COL5A1: variants seen among roughly 807,000 people sequenced by gnomAD.
The protein encoded by COL5A1 is collagen alpha-1(V) chain.
Under a neutral mutation model 263.7 loss-of-function variants are expected in COL5A1, and 16 were observed. That is an observed-to-expected ratio of 0.06 (90% CI 0.04 to 0.09). The LOEUF is 0.09. Among genes scored for constraint, COL5A1 ranks in the 10% least tolerant of loss-of-function variants. The pLI, the probability that COL5A1 is intolerant of heterozygous loss-of-function variation, is 1.00. For missense variants in COL5A1, 2,036 were observed against 2,540.5 expected (o/e 0.80, Z 4.27); for synonymous variants, 1,012 against 1,004.5 (o/e 1.01, Z -0.14).
intron 64 of COL5A1, 146 bp downstream of exon 64, chr9:134,830,190 T>G: frequency 1.2e-6 from 2 of 1,603,766 alleles, no homozygotes; most frequent in Non-Finnish European, 1.7e-6. Flanking sequence ...AGTGGCCACC[T>G]CGGCCCGGCC....
chr9:134,760,225 CAT>C, intron 18 of COL5A1, among the ~76,000 whole-genome samples: 1 of 132,890 alleles, frequency 7.5e-6, no homozygotes, highest in South Asian at 2.6e-4. Flanking sequence ...GCACACACCA[CAT>C]GCACACACAC....
rs1554805618 is a variant in COL5A1 at position 134,814,801 on chromosome 9, C to T, written c.3911C>T (p.Pro1304Leu). The T allele has an allele frequency of 6.4e-7, 1 of 1,551,538 alleles. No homozygotes were observed. The change falls in exon 50 of 66, where the codon CCC (proline) becomes CTC (leucine). Residue 1304 changes from proline (P) to leucine (L), a missense_variant. This residue lies in a region of COL5A1 where 1,078 missense variants were observed against 1,521.4 expected (regional missense o/e 0.71). Coordinates refer to ENST00000371817, the MANE Select transcript of COL5A1 (RefSeq NM_000093.5). Reference protein sequence around the residue: ...GLPGEGGPPGPKGERGEKGES... With the variant: ...GLPGEGGPPGLKGERGEKGES... ...ACACTGGCCTCTTTCCTCCAGGGAC[C>T]CAAAGGAGAAAGGGGAGAGAAGGGC...
rs72774465 is a variant in COL5A1, at chr9:134,797,017, G to A, written c.2898+116G>A. The A allele has an allele frequency of 0.44, 506,878 of 1,148,668 alleles. 113,087 individuals are homozygous for A. The highest frequency in any genetic ancestry group is 0.49 in the East Asian group (20,946 of 42,652). 71.2% of individuals were successfully genotyped at this position (1,148,668 alleles called of 1,614,324 possible). On this transcript the variant is annotated intron_variant, in intron 36 of 65. Transcript: ENST00000371817. ...CTGCTCGGAGCTCCTCACAGTGGCC[G>A]GTGGGTGGAGGGAGGCCCGAGGTGA...
Position 134,832,415 on chromosome 9 carries a change from A to G in COL5A1, c.5136+2371A>G, listed in dbSNP as rs1839674774. On this transcript the variant is annotated intron_variant, in intron 64 of 65. Transcript: ENST00000371817. ...GGTGAGACTCCGTCTCCAAAAAAAA[A>G]GAAAGAAAAAACCAGAAATGGGAAT... Among the ~76,000 whole-genome samples, 2 of 152,268 alleles carry G rather than the reference A, an allele frequency of 1.3e-5. 1 individual carries two copies.
At chr9:134,687,470 C>T (rs550377035) in intron 1 of COL5A1, among the ~76,000 whole-genome samples, 4 of 151,678 alleles carry the variant, frequency 2.6e-5, no homozygotes, top group Admixed American at 1.3e-4. Flanking sequence ...ATCCATCCAT[C>T]CATTCATCCA....
chr9:134,774,191 C>T (rs578026413), intron 26 of COL5A1, among the ~76,000 whole-genome samples: 5 of 152,246 alleles, frequency 3.3e-5, no homozygotes, highest in Non-Finnish European at 7.3e-5. Context: ...CGATGGGATA[C>T]AGCAGGGAGC....
At chr9:134,768,510 A>C in intron 25 of COL5A1, 47 bp downstream of exon 25, 1 of 1,580,336 alleles carries the variant, frequency 6.3e-7, no homozygotes, top group Non-Finnish European at 8.7e-7. Flanking sequence ...CCCCACCTCC[A>C]CCCTGCGGAT....
At chr9:134,809,597 C>T (rs182479836) in intron 43 of COL5A1, among the ~76,000 whole-genome samples, 57 of 152,236 alleles carry the variant, frequency 3.7e-4, no homozygotes, top group African/African-American at 7.0e-4. Context: ...CCGGTCCCCC[C>T]GAATAATTTC....
chr9:134,673,493 T>C (rs1026182220), intron 1 of COL5A1, among the ~76,000 whole-genome samples: 1 of 149,096 alleles, frequency 6.7e-6, no homozygotes, highest in Non-Finnish European at 1.5e-5. Flanking sequence ...GATACAATGG[T>C]GCTGAAACAA....
rs748682636 is a variant in COL5A1, at chr9:134,821,665, G to A, written c.4555-432G>A. 6.6e-6 allele frequency among the ~76,000 whole-genome samples: 1 copy of A among 152,176 alleles called. No homozygotes were observed. Among genetic ancestry groups the A allele is most frequent in the East Asian group, 1.9e-4 (1 of 5,178 alleles). On this transcript the variant is annotated intron_variant, in intron 58 of 65. Coordinates refer to ENST00000371817, the MANE Select transcript of COL5A1 (RefSeq NM_000093.5). This position sits in a 1 kb window ranked among gnomAD's most constrained non-coding sequence, Gnocchi z 4.2. ...CAGGACAGGACAGTCAGCATGGATG[G>A]GACTCCCTGCCCAACCCCTCCGGGC...
intron 1 of COL5A1, among the ~76,000 whole-genome samples, chr9:134,683,088 C>G (rs1193146690): frequency 1.3e-5 from 2 of 152,214 alleles, no homozygotes; most frequent in Admixed American, 1.3e-4. Context: ...TGCTCTTGCT[C>G]TGTGAGGGCC....
At chr9:134,792,229 G>A (rs1176566206) in intron 32 of COL5A1, among the ~76,000 whole-genome samples, 4 of 152,330 alleles carry the variant, frequency 2.6e-5, no homozygotes, top group South Asian at 2.1e-4. Flanking sequence ...TGGGACCTAC[G>A]GAAGGTTTTA....
intron 18 of COL5A1, among the ~76,000 whole-genome samples, chr9:134,759,240 T>C (rs1431198791): frequency 7.9e-6 from 1 of 127,332 alleles, no homozygotes; most frequent in Non-Finnish European, 1.6e-5. Flanking sequence ...ATACACCACA[T>C]ACACCACACA....
rs774285940 is a variant in COL5A1 at position 134,763,654 on chromosome 9, A to G, written c.1990-39A>G. On this transcript the variant is annotated intron_variant, in intron 19 of 65. Transcript: ENST00000371817. ...AGGGGAAGCTGGTGTCCAGGCTAAC[A>G]GCTCATTTCTCTAACCTTGCCTTTT... The G allele has an allele frequency of 1.2e-5, 19 of 1,607,840 alleles. No individual in the cohort carries two copies. In the Admixed American group the frequency reaches 3.2e-4, roughly 27 times the overall value.
rs1226303130 is a variant in COL5A1, at chr9:134,705,109, A to C, written c.654+3776A>C. Among the ~76,000 whole-genome samples, 7 of 152,354 alleles carry C rather than the reference A, an allele frequency of 4.6e-5. No individual in the cohort carries two copies. In the East Asian group the frequency reaches 1.2e-3, roughly 25 times the overall value. On this transcript the variant is annotated intron_variant, in intron 4 of 65. Transcript: ENST00000371817. ...TCTGTGTTTAGAGTTATACTGAACA[A>C]GGATTCACCAAACTCTAAGAGAGTT...
At chr9:134,734,736 C>T (rs749483517) in intron 9 of COL5A1, among the ~76,000 whole-genome samples, 1 of 152,200 alleles carries the variant, frequency 6.6e-6, no homozygotes, top group African/African-American at 2.4e-5. Context: ...AGGCAGGAAG[C>T]CCCCAGACTC....
chr9:134,790,023 C>T (rs902309499), intron 32 of COL5A1, among the ~76,000 whole-genome samples: 1 of 152,164 alleles, frequency 6.6e-6, no homozygotes, highest in Non-Finnish European at 1.5e-5. Flanking sequence ...CGAAAGATGG[C>T]AGAGCTCACA....
intron 36 of COL5A1, among the ~76,000 whole-genome samples, chr9:134,797,338 C>T (rs967739103): frequency 6.6e-6 from 1 of 152,192 alleles, no homozygotes; most frequent in African/African-American, 2.4e-5. Context: ...TCTGGAAGCT[C>T]TAGGGGAGAT....
Position 134,703,730 on chromosome 9 carries a change from C to T in COL5A1, c.654+2397C>T, listed in dbSNP as rs552786458. Reference sequence around the variant, plus strand: ...TCGGCTCACTGCAAGCTCTGCCTCCCGGGTTCACGCCATTCTCCTGCCTCA... The same window carrying T: ...TCGGCTCACTGCAAGCTCTGCCTCCTGGGTTCACGCCATTCTCCTGCCTCA... On this transcript the variant is annotated intron_variant, in intron 4 of 65. Transcript: ENST00000371817. 1.1e-4 allele frequency among the ~76,000 whole-genome samples: 16 copies of T among 143,832 alleles called. No homozygotes were observed. In the East Asian group the frequency reaches 2.4e-3, roughly 21 times the overall value. 94.4% of individuals were successfully genotyped at this position (143,832 alleles called of 152,430 possible). A position where few individuals can be genotyped will look rare whatever the true frequency, so the allele number is the denominator to read the frequency against.
Sources: gnomAD v4.1 joint callset for allele counts (sites outside exome capture counted in the v4.1 genomes callset) on GRCh38, gnomAD v4.1.1 for gene constraint, gnomAD v4.1.1 regional missense constraint, Gnocchi (gnomAD v3.1) non-coding constraint, MANE v1.5 for transcripts, NCBI Gene and HGNC (gene_info 2026-07-23, HGNC 2026-07-21) for gene names.